The following COL14A1 variants were observed in gnomAD, a reference collection of about 807,000 sequenced individuals.
The protein encoded by COL14A1 is collagen alpha-1(XIV) chain.
In COL14A1, 136 loss-of-function variants were observed where a neutral mutation model predicts 230.3. That is an observed-to-expected ratio of 0.59 (90% confidence interval 0.51 to 0.68). The LOEUF (loss-of-function observed/expected upper bound fraction) is 0.68, where lower values mean the gene tolerates loss of function less well. COL14A1 is among the 30% of genes least tolerant of loss of function. The pLI is 0.00. For missense variants in COL14A1, 1,976 were observed against 2,215.8 expected (o/e 0.89, Z 2.17); for synonymous variants, 792 against 784.1 (o/e 1.01, Z -0.17).
intron 1 of COL14A1, among the ~76,000 whole-genome samples, chr8:120,134,279 A>G (rs1814638514): frequency 6.6e-6 from 1 of 152,130 alleles, no homozygotes; most frequent in Admixed American, 6.5e-5. Flanking sequence ...AAAACATATT[A>G]TAAAGTTTTG....
intron 5 of COL14A1, among the ~76,000 whole-genome samples, chr8:120,176,240 C>G (rs1016191190): frequency 1.3e-5 from 2 of 152,232 alleles, no homozygotes; most frequent in African/African-American, 2.4e-5. Flanking sequence ...GTGTCAAGCA[C>G]TGAATTAGTT....
intron 44 of COL14A1, among the ~76,000 whole-genome samples, chr8:120,344,941 T>A (rs1056270232): frequency 6.6e-6 from 1 of 152,112 alleles, no homozygotes; most frequent in African/African-American, 2.4e-5. Flanking sequence ...AGAGATGAGT[T>A]GAGACAGAGC....
intron 1 of COL14A1, among the ~76,000 whole-genome samples, chr8:120,145,405 G>A (rs576430301): frequency 2.6e-5 from 4 of 152,174 alleles, no homozygotes; most frequent in Non-Finnish European, 5.9e-5. Flanking sequence ...GATCACCTGA[G>A]GTCAGGAGTT....
At chr8:120,218,921 G>A (rs115664197) in intron 14 of COL14A1, among the ~76,000 whole-genome samples, 2,087 of 152,108 alleles carry the variant, frequency 0.014, 45 homozygotes, top group African/African-American at 0.048. Context: ...ATTGAACAAC[G>A]AAAGTAACAT....
In COL14A1 at chr8:120,315,581, C is replaced by T. The variant is rs769549841; in HGVS notation, c.4600C>T (p.Pro1534Ser). 3.1e-5 allele frequency: 50 copies of T among 1,612,848 alleles called. No homozygotes were observed. In the Middle Eastern group the frequency reaches 4.9e-4, roughly 16 times the overall value. Reference sequence around the variant, plus strand: ...GAAAGGAGATACTGGCCTTCCAGGTCCACAGGTATTATTTTTGTTTTTTAA... The same window carrying T: ...GAAAGGAGATACTGGCCTTCCAGGTTCACAGGTATTATTTTTGTTTTTTAA... ...GEKGDTGLPG[P>S]QGIPGGVGSP... is the part of the protein sequence containing the mutation. Residue 1534 changes from proline (P) to serine (S), a missense_variant, in exon 39 of 48, where the codon CCA becomes TCA. By Grantham distance (74) the Pro-to-Ser change is moderately conservative. Transcript: ENST00000297848.
intron 26 of COL14A1, among the ~76,000 whole-genome samples, chr8:120,274,320 C>G (rs1216510795): frequency 6.6e-6 from 1 of 151,822 alleles, no homozygotes; most frequent in Non-Finnish European, 1.5e-5. Context: ...ATAGAAAGGA[C>G]ATACCTCAAA....
At chr8:120,357,998 C>G (rs1823045702) in intron 45 of COL14A1, among the ~76,000 whole-genome samples, 1 of 152,042 alleles carries the variant, frequency 6.6e-6, no homozygotes, top group Admixed American at 6.5e-5. Context: ...AGAAAAAAAG[C>G]CATTGACAAA....
intron 40 of COL14A1, among the ~76,000 whole-genome samples, chr8:120,322,060 G>T (rs1821470334): frequency 1.3e-5 from 2 of 151,802 alleles, no homozygotes; most frequent in Non-Finnish European, 2.9e-5. Context: ...TACTAAAAAT[G>T]TACATATGTT....
chr8:120,289,851 G>T (rs1242444111), intron 34 of COL14A1, 85 bp downstream of exon 34: 28 of 1,402,522 alleles, frequency 2.0e-5, no homozygotes, highest in Admixed American at 4.7e-5. Context: ...CAGGGGAAAG[G>T]TTTAACAAAA....
chr8:120,265,572 C>G (rs1819477705), intron 24 of COL14A1, among the ~76,000 whole-genome samples: 1 of 151,684 alleles, frequency 6.6e-6, no homozygotes, highest in African/African-American at 2.4e-5. Context: ...TTCCTTTTCA[C>G]ACACACATAT....
rs1165003967 is a variant in COL14A1 at position 120,226,610 on chromosome 8, C to G, written c.1865-17C>G. 4 of 1,612,154 alleles carry G rather than the reference C, an allele frequency of 2.5e-6. No homozygotes were observed. In the East Asian group the frequency reaches 6.7e-5, roughly 27 times the overall value. ...CCTTCTCATTTCCCTAACAAAACCT[C>G]CTTCCTCGGTTTACAGAGGAAGTTC... On this transcript the variant is annotated splice_polypyrimidine_tract_variant and intron_variant, in intron 15 of 47. Transcript: ENST00000297848.
intron 19 of COL14A1, among the ~76,000 whole-genome samples, chr8:120,242,753 T>C (rs1198139196): frequency 6.6e-6 from 1 of 152,228 alleles, no homozygotes; most frequent in African/African-American, 2.4e-5. Context: ...TAATCTCATA[T>C]AAAAATCATC....
At chr8:120,128,237 G>A (rs1425630062) in intron 1 of COL14A1, among the ~76,000 whole-genome samples, 1 of 133,456 alleles carries the variant, frequency 7.5e-6, no homozygotes, top group Non-Finnish European at 1.5e-5. Context: ...GCGTGTGTGT[G>A]TGTGTGTGTG....
chr8:120,132,540 G>T (rs1413377830), intron 1 of COL14A1, among the ~76,000 whole-genome samples: 1 of 143,638 alleles, frequency 7.0e-6, no homozygotes. Flanking sequence ...GGCTATTGAG[G>T]CTCTTTTTTG....
chr8:120,288,452 A>G (rs1820275475), intron 33 of COL14A1, among the ~76,000 whole-genome samples: 1 of 152,170 alleles, frequency 6.6e-6, no homozygotes, highest in Non-Finnish European at 1.5e-5. Context: ...CAGTAAAATT[A>G]AAAGTAACAC....
chr8:120,370,578 A>G lies in COL14A1; in HGVS notation c.5312-574A>G. 8.9e-6 allele frequency: 13 copies of G among 1,455,922 alleles called. No individual in the cohort carries two copies. The South Asian group carries it at 1.0e-4, about 11-fold the overall frequency. 90.2% of individuals were successfully genotyped at this position (1,455,922 alleles called of 1,614,324 possible). A position where few individuals can be genotyped will look rare whatever the true frequency, so the allele number is the denominator to read the frequency against. On this transcript the variant is annotated intron_variant, in intron 47 of 47. Transcript: ENST00000297848. Reference sequence around the variant, plus strand: ...GAGTGATAACATCGGAACTTAACCAAATCATATATGTCTATTTTAATAGAC... The same window carrying G: ...GAGTGATAACATCGGAACTTAACCAGATCATATATGTCTATTTTAATAGAC...
chr8:120,145,850 A>G (rs1815075990), intron 1 of COL14A1, among the ~76,000 whole-genome samples: 1 of 152,234 alleles, frequency 6.6e-6, no homozygotes, highest in South Asian at 2.1e-4. Context: ...TCATCAGAAT[A>G]CACTTGAACA....
intron 7 of COL14A1, 61 bp downstream of exon 7, chr8:120,197,991 TC>T: frequency 2.6e-6 from 4 of 1,530,328 alleles, no homozygotes; most frequent in Non-Finnish European, 3.6e-6. Context: ...TTGTATTACC[TC>T]ATTTTGCCAC....
rs182436740 is a variant in COL14A1, at chr8:120,311,119, G to T, written c.4455+1057G>T. Among the ~76,000 whole-genome samples the T allele has an allele frequency of 8.4e-3, 1,283 of 152,280 alleles. 12 individuals are homozygous for T. The highest frequency in any genetic ancestry group is 0.025 in the South Asian group (120 of 4,816). ...AAGAAGGCTAAAGACAATTAATCAG[G>T]TACTACCCAATCCAAAATTCAGACC... On this transcript the variant is annotated intron_variant, in intron 37 of 47. Transcript: ENST00000297848.
Sources: allele counts gnomAD v4.1 joint callset (sites outside exome capture counted in the v4.1 genomes callset), GRCh38; gene constraint gnomAD v4.1.1; transcripts MANE v1.5; gene names NCBI Gene and HGNC (gene_info 2026-07-23, HGNC 2026-07-21).